Variants in SMG6 observed in about 807,000 individuals in gnomAD.
The protein encoded by SMG6 is SMG6 nonsense mediated mRNA decay factor.
In SMG6, 66 loss-of-function variants were observed where a neutral mutation model predicts 142.2. That is an observed-to-expected ratio of 0.46 (90% CI 0.38 to 0.57). SMG6 has a LOEUF of 0.57. SMG6 is among the 20% of genes least tolerant of loss of function. SMG6 has a pLI of 0.00. For synonymous variants in SMG6, 779 were observed against 702.4 expected (o/e 1.11, Z -1.72); for missense variants, 1,793 against 1,832.0 (o/e 0.98, Z 0.39).
At chr17:2,252,398 C>CAA (rs11378012) in intron 8 of SMG6, among the ~76,000 whole-genome samples, 170 of 146,880 alleles carry the variant, frequency 1.2e-3, no homozygotes, top group Middle Eastern at 6.9e-3. Flanking sequence ...GACTCCAACT[C>CAA]AAAAAAAATA....
intron 13 of SMG6, chr17:2,088,907 C>T (rs753690776): frequency 1.8e-5 from 16 of 902,832 alleles, no homozygotes; most frequent in Non-Finnish European, 1.2e-5. Flanking sequence ...AGGAGACTTA[C>T]GGGAATATTC....
chr17:2,191,080 GCA>G (rs2072146963), intron 10 of SMG6, among the ~76,000 whole-genome samples: 1 of 152,180 alleles, frequency 6.6e-6, no homozygotes, highest in South Asian at 2.1e-4. Context: ...GTATGATGGA[GCA>G]CACAGTTACA....
intron 10 of SMG6, among the ~76,000 whole-genome samples, chr17:2,207,480 A>G (rs78669572): frequency 0.013 from 1,919 of 152,312 alleles, 36 homozygotes; most frequent in African/African-American, 0.044. Flanking sequence ...TTTACAGCTG[A>G]TCATGAACGA....
intron 13 of SMG6, among the ~76,000 whole-genome samples, chr17:2,166,805 G>A (rs2071351947): frequency 6.6e-6 from 1 of 152,000 alleles, no homozygotes; most frequent in African/African-American, 2.4e-5. Flanking sequence ...TATGCTAAAT[G>A]AAAAATGAAA....
intron 3 of SMG6, among the ~76,000 whole-genome samples, chr17:2,297,575 C>T (rs1170509035): frequency 6.6e-6 from 1 of 151,896 alleles, no homozygotes; most frequent in Non-Finnish European, 1.5e-5. Context: ...CACACACACA[C>T]ACACACACAC....
chr17:2,135,157 G>T (rs2070253794), intron 13 of SMG6, among the ~76,000 whole-genome samples: 1 of 152,160 alleles, frequency 6.6e-6, no homozygotes, highest in Non-Finnish European at 1.5e-5. Context: ...TGGGATTACA[G>T]GCATGAGCCA....
At chr17:2,070,818 G>A (rs1597331719) in intron 15 of SMG6, among the ~76,000 whole-genome samples, 1 of 152,288 alleles carries the variant, frequency 6.6e-6, no homozygotes, top group Middle Eastern at 3.4e-3. Context: ...GGGAGGCGGG[G>A]TCACTGACCC....
intron 13 of SMG6, among the ~76,000 whole-genome samples, chr17:2,135,994 T>TTGTGTGTG (rs1288217557): frequency 3.0e-5 from 3 of 98,852 alleles, no homozygotes; most frequent in African/African-American, 8.2e-5. Context: ...ATATATATAT[T>TTGTGTGTG]TATGTGTGTG....
intron 12 of SMG6, among the ~76,000 whole-genome samples, chr17:2,180,170 G>T (rs1442643899): frequency 6.6e-6 from 1 of 152,172 alleles, no homozygotes; most frequent in Non-Finnish European, 1.5e-5. Context: ...TGCCGAAGTA[G>T]GGGTGCAGCT....
chr17:2,089,858 T>C (rs1318188693), intron 13 of SMG6: 1 of 151,944 alleles, frequency 6.6e-6, no homozygotes, highest in East Asian at 1.9e-4. Context: ...TTCTGGGGTA[T>C]TTAAGGTGGA....
intron 10 of SMG6, among the ~76,000 whole-genome samples, chr17:2,192,659 C>T (rs2072199719): frequency 6.6e-6 from 1 of 152,178 alleles, no homozygotes; most frequent in Non-Finnish European, 1.5e-5. Flanking sequence ...CTTATCTTTC[C>T]GACATAAGGC....
At chr17:2,293,001 T>G in intron 4 of SMG6, 24 bp from the exon 5 acceptor site, 1 of 1,554,250 alleles carries the variant, frequency 6.4e-7, no homozygotes, top group South Asian at 1.1e-5. Flanking sequence ...AACCAGTTAG[T>G]AGAAAAGCCA....
At chr17:2,162,888 G>A (rs572268592) in intron 13 of SMG6, among the ~76,000 whole-genome samples, 2 of 152,274 alleles carry the variant, frequency 1.3e-5, no homozygotes, top group South Asian at 2.1e-4. Context: ...CTGGAGTGCA[G>A]TGGTGCAATC....
At position 2,127,410 on chromosome 17, in the gene SMG6, T is replaced by C. The variant is rs747566831; in HGVS notation, c.3358-41509A>G. The C allele has an allele frequency of 3.0e-4, 232 of 770,050 alleles. 2 individuals are homozygous for C. The highest frequency in any genetic ancestry group is 4.7e-4 in the Non-Finnish European group (208 of 443,240). The allele number at this position is 770,050 out of a possible 1,614,324, so 47.7% of individuals were successfully genotyped here. On this transcript the variant is annotated intron_variant, in intron 13 of 18. Coordinates refer to ENST00000263073, the MANE Select transcript of SMG6 (RefSeq NM_017575.5). ...TGGTAAATCCTTTTCCCCCCCTCTTTAAATAGACACTTTATTAGATCCACA... is the reference window on the plus strand; with the variant it reads ...TGGTAAATCCTTTTCCCCCCCTCTTCAAATAGACACTTTATTAGATCCACA...
intron 10 of SMG6, among the ~76,000 whole-genome samples, chr17:2,207,221 G>GA (rs2072714197): frequency 6.6e-6 from 1 of 151,934 alleles, no homozygotes; most frequent in South Asian, 2.1e-4. Context: ...TCAGGAAGCA[G>GA]TGAGCCGAGG....
At chr17:2,167,287 A>G (rs896091005) in intron 13 of SMG6, among the ~76,000 whole-genome samples, 3 of 152,166 alleles carry the variant, frequency 2.0e-5, no homozygotes, top group Admixed American at 1.3e-4. Context: ...TCAATGCTAT[A>G]AAAATATATC....
At chr17:2,284,679 T>C (rs1597784955) in intron 6 of SMG6, among the ~76,000 whole-genome samples, 1 of 152,184 alleles carries the variant, frequency 6.6e-6, no homozygotes, top group African/African-American at 2.4e-5. Flanking sequence ...TGGCTAGAGG[T>C]GCAGGTTCTA....
At chr17:2,192,940 T>C (rs1477416331) in intron 10 of SMG6, among the ~76,000 whole-genome samples, 1 of 152,114 alleles carries the variant, frequency 6.6e-6, no homozygotes, top group Non-Finnish European at 1.5e-5. Context: ...AACGAATGAG[T>C]CAGCAGAATC....
intron 8 of SMG6, chr17:2,255,812 G>A (rs1235613531): frequency 4.4e-6 from 1 of 226,822 alleles, no homozygotes; most frequent in South Asian, 5.4e-5. Flanking sequence ...AGTAGACATG[G>A]GAGACTTTTC....
Sources: gnomAD v4.1 joint callset for allele counts (sites outside exome capture counted in the v4.1 genomes callset) on GRCh38, gnomAD v4.1.1 for gene constraint, MANE v1.5 for transcripts, NCBI Gene and HGNC (gene_info 2026-07-23, HGNC 2026-07-21) for gene names.